TUNAR: variants seen among roughly 807,000 people sequenced by gnomAD.
The protein encoded by TUNAR is transmembrane neural differentiation associated intracellular calcium regulator, also known as protein TUNAR.
chr14:95,878,022 G>T (rs1455494749), intron 2 of TUNAR, among the ~76,000 whole-genome samples: 1 of 152,198 alleles, frequency 6.6e-6, no homozygotes, highest in East Asian at 1.9e-4. Context: ...TTTCCCTGGG[G>T]GCAGGGCTCA....
chr14:95,921,878 C>A (rs992630574), intron 2 of TUNAR, among the ~76,000 whole-genome samples: 1 of 152,218 alleles, frequency 6.6e-6, no homozygotes, highest in African/African-American at 2.4e-5. Flanking sequence ...CGCTAAGTGT[C>A]TGGGCTTTGT....
chr14:95,880,596 C>A (rs564648191), intron 2 of TUNAR, among the ~76,000 whole-genome samples: 1 of 152,118 alleles, frequency 6.6e-6, no homozygotes, highest in Non-Finnish European at 1.5e-5. Flanking sequence ...TTGGAGATTC[C>A]GCCTCAATCT....
chr14:95,907,612 C>A (rs1889446890), intron 2 of TUNAR, among the ~76,000 whole-genome samples: 1 of 152,164 alleles, frequency 6.6e-6, no homozygotes, highest in Non-Finnish European at 1.5e-5. Flanking sequence ...TGAAGAGGTG[C>A]TTTACTGAGT....
chr14:95,885,091 C>G (rs1005219550), intron 2 of TUNAR, among the ~76,000 whole-genome samples: 6 of 152,164 alleles, frequency 3.9e-5, no homozygotes, highest in Admixed American at 1.3e-4. Flanking sequence ...GCGTGCTCAG[C>G]GCATGGGGCC....
chr14:95,910,098 C>T (rs946468039), intron 2 of TUNAR, among the ~76,000 whole-genome samples: 8 of 152,190 alleles, frequency 5.3e-5, no homozygotes, highest in Non-Finnish European at 1.2e-4. Context: ...TTTTCACTGC[C>T]GTATCCCTAG....
At chr14:95,885,789 C>T (rs566693867) in intron 2 of TUNAR, among the ~76,000 whole-genome samples, 6 of 152,270 alleles carry the variant, frequency 3.9e-5, no homozygotes, top group Admixed American at 1.3e-4. Flanking sequence ...GTTCATGACC[C>T]CCTGTACCCT....
chr14:95,925,122 T>TG, exon 3 of TUNAR: 3 of 152,294 alleles, frequency 2.0e-5, no homozygotes, highest in Non-Finnish European at 4.4e-5. Flanking sequence ...TTTGGATACT[T>TG]GGAGTCATTG....
chr14:95,899,428 T>TC (rs1889313804), intron 2 of TUNAR, among the ~76,000 whole-genome samples: 2 of 152,168 alleles, frequency 1.3e-5, no homozygotes, highest in African/African-American at 4.8e-5. Context: ...GATTCCTGGG[T>TC]CCCCGAGGCT....
At chr14:95,925,357 C>G (rs553809660) in exon 3 of TUNAR, 3 of 152,238 alleles carry the variant, frequency 2.0e-5, no homozygotes, top group Admixed American at 6.5e-5. Context: ...CACCGCACAC[C>G]CTTCTCCCTC....
intron 2 of TUNAR, among the ~76,000 whole-genome samples, chr14:95,918,245 T>G (rs1889637352): frequency 6.6e-6 from 1 of 152,220 alleles, no homozygotes; most frequent in Admixed American, 6.5e-5. Context: ...CAAGCATCTA[T>G]CCACTGAGTT....
intron 2 of TUNAR, among the ~76,000 whole-genome samples, chr14:95,888,923 G>A (rs1377484455): frequency 6.6e-6 from 1 of 152,216 alleles, no homozygotes; most frequent in Non-Finnish European, 1.5e-5. Context: ...TTGCAAGGCA[G>A]CAGAGTGGGG....
intron 2 of TUNAR, among the ~76,000 whole-genome samples, chr14:95,882,060 T>A (rs60152752): frequency 6.6e-6 from 1 of 152,052 alleles, no homozygotes; most frequent in Non-Finnish European, 1.5e-5. Context: ...ATGAGAAAAA[T>A]TAGACAGAAT....
chr14:95,918,237 A>G (rs1234654927), intron 2 of TUNAR, among the ~76,000 whole-genome samples: 1 of 152,218 alleles, frequency 6.6e-6, no homozygotes, highest in Non-Finnish European at 1.5e-5. Flanking sequence ...CATCCCCTCA[A>G]GCATCTATCC....
At chr14:95,891,290 G>A (rs940880133) in intron 2 of TUNAR, among the ~76,000 whole-genome samples, 1 of 152,170 alleles carries the variant, frequency 6.6e-6, no homozygotes, top group African/African-American at 2.4e-5. Context: ...ACCCACCTCC[G>A]AGTCTGAAGA....
chr14:95,884,035 A>C (rs1017856907), intron 2 of TUNAR, among the ~76,000 whole-genome samples: 5 of 151,430 alleles, frequency 3.3e-5, no homozygotes, highest in African/African-American at 1.2e-4. Flanking sequence ...AGAATGTGGC[A>C]CTCACCCCCA....
chr14:95,913,484 G>A (rs1889551934), intron 2 of TUNAR, among the ~76,000 whole-genome samples: 1 of 152,148 alleles, frequency 6.6e-6, no homozygotes, highest in Non-Finnish European at 1.5e-5. Flanking sequence ...GCCAGGTAAT[G>A]CATCAGTGAG....
At chr14:95,883,400 C>A (rs569079856) in intron 2 of TUNAR, among the ~76,000 whole-genome samples, 8 of 152,222 alleles carry the variant, frequency 5.3e-5, no homozygotes, top group Admixed American at 2.6e-4. Flanking sequence ...GATCCACCCC[C>A]CCAACACACA....
At chr14:95,902,820 CA>C (rs1484289956) in intron 2 of TUNAR, among the ~76,000 whole-genome samples, 9 of 152,320 alleles carry the variant, frequency 5.9e-5, no homozygotes, top group African/African-American at 1.7e-4. Context: ...CATTTCCCTG[CA>C]TCGTTTCAAC....
exon 3 of TUNAR, chr14:95,925,541 ATAAAC>A (rs1310333444): frequency 6.6e-6 from 1 of 152,220 alleles, no homozygotes; most frequent in Non-Finnish European, 1.5e-5. Context: ...AGTGAACAGA[ATAAAC>A]AATAAAGGTG....
Sources: allele counts gnomAD v4.1 joint callset (sites outside exome capture counted in the v4.1 genomes callset), GRCh38; gene constraint gnomAD v4.1.1; transcripts MANE v1.5; gene names NCBI Gene and HGNC (gene_info 2026-07-23, HGNC 2026-07-21).